CENPP: variants seen among roughly 807,000 people sequenced by gnomAD.
CENPP encodes the protein centromere protein P.
CENPP carries 24 observed loss-of-function variants against 35.6 expected under a neutral mutation model. The observed-to-expected ratio is 0.67, with a 90% CI of 0.49 to 0.95. CENPP has a LOEUF of 0.95. Ranked by LOEUF, CENPP falls within the 40% of genes least tolerant of loss-of-function variation. CENPP has a pLI of 0.00. For missense variants in CENPP, 332 were observed against 345.3 expected (o/e 0.96, Z 0.31); for synonymous variants, 120 against 125.5 (o/e 0.96, Z 0.29).
At chr9:92,447,236 C>T (rs911629322) in intron 5 of CENPP, among the ~76,000 whole-genome samples, 2 of 151,604 alleles carry the variant, frequency 1.3e-5, no homozygotes, top group Non-Finnish European at 2.9e-5. Flanking sequence ...ATTATTATTA[C>T]ATTGTAATAT....
chr9:92,539,549 G>T (rs565913385), intron 5 of CENPP, among the ~76,000 whole-genome samples: 53 of 152,142 alleles, frequency 3.5e-4, no homozygotes, highest in East Asian at 1.9e-3. Flanking sequence ...ATTAAGTATA[G>T]CCTACTTACT....
intron 4 of CENPP, among the ~76,000 whole-genome samples, chr9:92,369,690 C>T (rs55664103): frequency 0.028 from 4,320 of 152,132 alleles, 100 homozygotes; most frequent in South Asian, 0.049. Context: ...GATTTTGTCC[C>T]GCAACTTAAC....
At chr9:92,457,171 C>A (rs1039221346) in intron 5 of CENPP, 1 of 1,438,772 alleles carries the variant, frequency 7.0e-7, no homozygotes, top group Non-Finnish European at 9.1e-7. Context: ...GGACTTACCA[C>A]TTGAGAATAG....
chr9:92,585,435 ATTTG>A (rs1305301834), intron 5 of CENPP, among the ~76,000 whole-genome samples: 2 of 152,146 alleles, frequency 1.3e-5, no homozygotes, highest in African/African-American at 4.8e-5. Context: ...AGTGGTTAGA[ATTTG>A]TTTGTCTGTA....
At chr9:92,543,928 GT>G (rs1849371745) in intron 5 of CENPP, among the ~76,000 whole-genome samples, 2 of 152,160 alleles carry the variant, frequency 1.3e-5, no homozygotes. Flanking sequence ...AATTCTAGCA[GT>G]TTTTTGGTGC....
chr9:92,590,508 G>T (rs984352437), intron 5 of CENPP, among the ~76,000 whole-genome samples: 6 of 152,210 alleles, frequency 3.9e-5, no homozygotes, highest in African/African-American at 1.4e-4. Context: ...GAAGCTGACA[G>T]CTTGACTGTC....
intron 5 of CENPP, among the ~76,000 whole-genome samples, chr9:92,452,266 A>G (rs1238088426): frequency 6.6e-6 from 1 of 152,056 alleles, no homozygotes; most frequent in Non-Finnish European, 1.5e-5. Flanking sequence ...ATTTTGAGAT[A>G]CGTCCCATCA....
chr9:92,368,880 A>G (rs1470794818), intron 4 of CENPP, among the ~76,000 whole-genome samples: 2 of 152,118 alleles, frequency 1.3e-5, no homozygotes, highest in African/African-American at 4.8e-5. Flanking sequence ...CTCTACAAAA[A>G]AAGAAATTGA....
intron 5 of CENPP, chr9:92,493,979 T>C (rs949262591): frequency 2.2e-5 from 24 of 1,113,120 alleles, no homozygotes; most frequent in Non-Finnish European, 3.0e-5. Context: ...CGTAGTCTCC[T>C]GGCGGCCCTC....
chr9:92,558,638 C>A (rs903457881), intron 5 of CENPP, among the ~76,000 whole-genome samples: 1 of 152,058 alleles, frequency 6.6e-6, no homozygotes, highest in Non-Finnish European at 1.5e-5. Flanking sequence ...GGTGATGCTT[C>A]CTGGAAGGCA....
At chr9:92,525,036 G>A (rs1280897582) in intron 5 of CENPP, among the ~76,000 whole-genome samples, 1 of 152,224 alleles carries the variant, frequency 6.6e-6, no homozygotes, top group Non-Finnish European at 1.5e-5. Flanking sequence ...GAGAGGCCAG[G>A]CACTGTGGCT....
intron 5 of CENPP, among the ~76,000 whole-genome samples, chr9:92,502,196 G>C (rs1214684097): frequency 6.6e-6 from 1 of 152,172 alleles, no homozygotes; most frequent in South Asian, 2.1e-4. Context: ...GGCAGACCTC[G>C]AAGTCAGACA....
intron 4 of CENPP, among the ~76,000 whole-genome samples, chr9:92,378,089 GGTGTC>G (rs1842163779): frequency 2.6e-5 from 4 of 152,096 alleles, no homozygotes; most frequent in Admixed American, 2.6e-4. Context: ...ATGTTTGCTT[GGTGTC>G]AGTTGGGGCT....
In CENPP at chr9:92,593,860, C is replaced by G. The variant is rs78506124; in HGVS notation, c.565-17454C>G. Among the ~76,000 whole-genome samples, 1,729 of 152,228 alleles carry G rather than the reference C, an allele frequency of 0.011. 26 individuals carry two copies. The highest frequency in any genetic ancestry group is 0.038 in the African/African-American group (1,584 of 41,526). On this transcript the variant is annotated intron_variant, in intron 5 of 7. Coordinates refer to ENST00000375587, the MANE Select transcript of CENPP (RefSeq NM_001012267.3). The surrounding 1 kb of genome is among the most constrained non-coding windows in gnomAD (Gnocchi z 4.1). ...AACTGGTAGCAGTAGATAAAGGGAA[C>G]CCGGTAGAGAAGCCAAGAATATAGG...
Position 92,515,536 on chromosome 9 carries a change from G to C in CENPP, c.565-95778G>C, listed in dbSNP as rs192442392. 3.2e-4 allele frequency among the ~76,000 whole-genome samples: 48 copies of C among 152,312 alleles called. No homozygotes were observed. The East Asian group carries it at 7.3e-3, about 23-fold the overall frequency. Reference sequence around the variant, plus strand: ...ATGAGGCAAAATGGTAAGCAATCCTGTTGTGAGATTGTGTTATAATCAGTT... The same window carrying C: ...ATGAGGCAAAATGGTAAGCAATCCTCTTGTGAGATTGTGTTATAATCAGTT... On this transcript the variant is annotated intron_variant, in intron 5 of 7. Transcript: ENST00000375587.
chr9:92,414,891 AAG>A (rs1843542598), intron 5 of CENPP: 1 of 294,078 alleles, frequency 3.4e-6, no homozygotes, highest in African/African-American at 2.2e-5. Flanking sequence ...TATATTTAAA[AAG>A]AGCATAAGAA....
At chr9:92,529,255 G>C (rs1440200017) in intron 5 of CENPP, among the ~76,000 whole-genome samples, 1 of 152,162 alleles carries the variant, frequency 6.6e-6, no homozygotes, top group East Asian at 1.9e-4. Flanking sequence ...ATTAAAATGA[G>C]ATGCCTCTAC....
At chr9:92,461,982 T>G (rs1188625097) in intron 5 of CENPP, among the ~76,000 whole-genome samples, 2 of 152,104 alleles carry the variant, frequency 1.3e-5, no homozygotes, top group Non-Finnish European at 2.9e-5. Flanking sequence ...TTCTTTTCTT[T>G]TCTTTTCTTT....
At chr9:92,611,706 G>A (rs1851257173) in intron 6 of CENPP, among the ~76,000 whole-genome samples, 2 of 152,114 alleles carry the variant, frequency 1.3e-5, no homozygotes, top group Middle Eastern at 3.2e-3. Context: ...GAAATCGAAG[G>A]GAGGAAGCCA....
Sources: allele counts gnomAD v4.1 joint callset (sites outside exome capture counted in the v4.1 genomes callset), GRCh38; gene constraint gnomAD v4.1.1; non-coding constraint Gnocchi (gnomAD v3.1); transcripts MANE v1.5; gene names NCBI Gene and HGNC (gene_info 2026-07-23, HGNC 2026-07-21).